Variants in SYTL5 observed in about 807,000 individuals in gnomAD.
SYTL5 encodes synaptotagmin-like protein 5.
Under a neutral mutation model 55.9 loss-of-function variants are expected in SYTL5, and 34 were observed. The observed-to-expected ratio is 0.61, with a 90% confidence interval of 0.46 to 0.81. The LOEUF (loss-of-function observed/expected upper bound fraction) is 0.81. Ranked by LOEUF, SYTL5 falls within the 30% of genes least tolerant of loss-of-function variation. The pLI, the probability that SYTL5 is intolerant of heterozygous loss-of-function variation, is 0.00. For missense variants in SYTL5, 637 were observed against 546.7 expected, an observed-to-expected ratio of 1.17 and a Z score of -1.65; for synonymous variants, 221 against 188.7, an observed-to-expected ratio of 1.17 and a Z score of -1.40.
intron 1 of SYTL5, among the ~76,000 whole-genome samples, chrX:38,029,904 G>T (rs977901323): frequency 9.0e-6 from 1 of 111,630 alleles, no homozygotes; most frequent in Non-Finnish European, 1.9e-5. Context: ...TTCAGTAGTT[G>T]TAAGACTTTT....
the SYTL5 span, among the ~76,000 whole-genome samples, chrX:37,912,706 T>C: frequency 2.8e-4 from 31 of 112,292 alleles, no homozygotes; most frequent in African/African-American, 8.1e-4. Context: ...TTATTTATAT[T>C]ATCTTATTTT....
chrX:38,078,652 G>A (rs1055221962), intron 6 of SYTL5, among the ~76,000 whole-genome samples: 2 of 112,186 alleles, frequency 1.8e-5, no homozygotes, highest in Admixed American at 1.9e-4. Context: ...TACTCAACAA[G>A]AATAATAGGG....
At chrX:38,062,076 T>G (rs1019841276) in intron 3 of SYTL5, among the ~76,000 whole-genome samples, 1 of 110,981 alleles carries the variant, frequency 9.0e-6, no homozygotes, top group Admixed American at 9.6e-5. Flanking sequence ...CAAGTGATTC[T>G]CCTGCCTCAG....
chrX:38,037,173 G>A (rs1935132294), intron 2 of SYTL5, among the ~76,000 whole-genome samples: 1 of 111,831 alleles, frequency 8.9e-6, no homozygotes, highest in Admixed American at 9.5e-5. Flanking sequence ...ATGGTTGACG[G>A]GTACAGAAAT....
rs775361401 is a variant in SYTL5, at chrX:38,072,193, T to C, written c.445+31T>C. 39 of 1,058,104 alleles carry C rather than the reference T, an allele frequency of 3.7e-5. No homozygotes were observed. The Admixed American group carries it at 8.6e-4, about 23-fold the overall frequency. 87.2% of individuals were successfully genotyped at this position (1,058,104 alleles called of 1,213,427 possible). On this transcript the variant is annotated intron_variant, in intron 4 of 16. Coordinates refer to ENST00000297875, the MANE Select transcript of SYTL5 (RefSeq NM_138780.3). ...TAAAGCAATTATGTGGTTTCACAACTGTTTTCATCTCCATTTGGCTAACTA... is the reference window on the plus strand; with the variant it reads ...TAAAGCAATTATGTGGTTTCACAACCGTTTTCATCTCCATTTGGCTAACTA...
At chrX:37,964,459 C>T in the SYTL5 span, among the ~76,000 whole-genome samples, 2 of 111,561 alleles carry the variant, frequency 1.8e-5, no homozygotes, top group East Asian at 5.6e-4. Flanking sequence ...GGTAATGGTA[C>T]GTGATTCTTT....
Position 38,110,357 on chromosome X carries a change from C to G in SYTL5, c.1471C>G (p.Leu491Val), listed in dbSNP as rs1602406656. 8.3e-7 allele frequency: 1 copy of G among 1,207,902 alleles called. No individual in the cohort carries two copies. The change falls in exon 13 of 17, where the codon CTG (leucine) becomes GTG (valine). Residue 491 changes from leucine to valine, a missense_variant. By Grantham distance (32) the Leu-to-Val change is conservative (BLOSUM62 1). Transcript: ENST00000297875. The part of the protein sequence containing the change: ...ISHTQLETRT[L>V]QLSVWHYDRF... ...CCATACCCAGCTGGAAACAAGAACT[C>G]TGCAGCTCTCAGTCTGGCACTATGA...
intron 1 of SYTL5, among the ~76,000 whole-genome samples, chrX:38,031,036 G>A (rs1299556931): frequency 9.0e-6 from 1 of 111,330 alleles, no homozygotes; most frequent in East Asian, 2.8e-4. Context: ...CCAGTTTGCT[G>A]GGCTGGCTTG....
the SYTL5 span, among the ~76,000 whole-genome samples, chrX:37,896,815 A>G: frequency 8.9e-6 from 1 of 112,116 alleles, no homozygotes; most frequent in African/African-American, 3.2e-5. Flanking sequence ...CCCACAGAAT[A>G]ATGAGCTGAA....
In SYTL5 at chrX:38,073,606, G is replaced by A; in HGVS notation, c.462G>A (p.Gln154=). Residue 154 remains glutamine (Q), a synonymous_variant, in exon 5 of 17, where the codon CAG becomes CAA. Transcript: ENST00000297875. ...LRRSPGAEEV[Q]SQEQTRQDAE... ...GTTAATGAGGAGCTGAAGAAGTACAGAGCCAAGAGCAAACCCGCCAGGATG... is the reference window on the plus strand; with the variant it reads ...GTTAATGAGGAGCTGAAGAAGTACAAAGCCAAGAGCAAACCCGCCAGGATG... The A allele has an allele frequency of 8.4e-7, 1 of 1,189,764 alleles. No individual in the cohort carries two copies. The highest frequency in any genetic ancestry group is 1.1e-6 in the Non-Finnish European group (1 of 884,070).
At chrX:38,115,483 CAAAAAAAAAAAAAAA>C (rs772227891) in intron 13 of SYTL5, among the ~76,000 whole-genome samples, 1 of 17,465 alleles carries the variant, frequency 5.7e-5, no homozygotes, top group Non-Finnish European at 1.0e-4. Flanking sequence ...GACTCCGTCT[CAAAAAAAAAAAAAAA>C]AAAAAAAAAA....
the SYTL5 span, among the ~76,000 whole-genome samples, chrX:37,983,348 C>T: frequency 9.0e-6 from 1 of 111,598 alleles, no homozygotes; most frequent in South Asian, 3.7e-4. Context: ...AAAACATAAT[C>T]GTGCAAATAA....
At chrX:38,004,113 G>A (rs111315335), upstream of SYTL5, among the ~76,000 whole-genome samples, 4,676 of 111,589 alleles carry the variant, frequency 0.042, 162 homozygotes, top group African/African-American at 0.11. Flanking sequence ...TTGGTAGTTT[G>A]CAAATATTTT....
chrX:38,096,874 A>G (rs1334517273), intron 9 of SYTL5, among the ~76,000 whole-genome samples: 1 of 111,414 alleles, frequency 9.0e-6, no homozygotes, highest in Non-Finnish European at 1.9e-5. Context: ...CTATAGTACA[A>G]AAAACTGGGA....
At chrX:38,032,280 C>T (rs1934975215) in intron 1 of SYTL5, among the ~76,000 whole-genome samples, 1 of 111,801 alleles carries the variant, frequency 8.9e-6, no homozygotes, top group African/African-American at 3.3e-5. Context: ...TCACAAAAAT[C>T]AGGTAGATTA....
chrX:38,065,991 T>A (rs945596093), intron 3 of SYTL5, among the ~76,000 whole-genome samples: 1 of 110,513 alleles, frequency 9.0e-6, no homozygotes, highest in African/African-American at 3.3e-5. Flanking sequence ...TCCCAGCTAC[T>A]CGGGAGGCTG....
chrX:38,026,303 C>T (rs768850745), intron 1 of SYTL5, among the ~76,000 whole-genome samples: 38 of 111,793 alleles, frequency 3.4e-4, no homozygotes, highest in African/African-American at 1.2e-3. Context: ...CAACTGCATT[C>T]TATCTTACTA....
the SYTL5 span, among the ~76,000 whole-genome samples, chrX:37,936,369 T>C: frequency 8.9e-6 from 1 of 112,386 alleles, no homozygotes; most frequent in Admixed American, 9.4e-5. Flanking sequence ...AGATATCTGT[T>C]ATAGAAATTA....
chrX:38,089,426 G>A lies in SYTL5; in HGVS notation c.690-20G>A. 1 of 1,196,757 alleles carries A rather than the reference G, an allele frequency of 8.4e-7. No homozygotes were observed. Among genetic ancestry groups the A allele is most frequent in the Admixed American group, 2.3e-5 (1 of 43,987 alleles). On this transcript the variant is annotated intron_variant, in intron 6 of 16. Coordinates refer to ENST00000297875, the MANE Select transcript of SYTL5 (RefSeq NM_138780.3). ...CTGCTCTGCTTCCATGTTAAAGTCA[G>A]AATATGCTTTCTCATTTAGGGGAAG...
Sources: gnomAD v4.1 joint callset for allele counts (sites outside exome capture counted in the v4.1 genomes callset) on GRCh38, gnomAD v4.1.1 for gene constraint, MANE v1.5 for transcripts, NCBI Gene and HGNC (gene_info 2026-07-23, HGNC 2026-07-21) for gene names.